The following MTREX variants were observed in gnomAD, a reference collection of about 807,000 sequenced individuals.
The protein encoded by MTREX is Mtr4 exosome RNA helicase.
Under a neutral mutation model 135.4 loss-of-function variants are expected in MTREX, and 76 were observed. The observed-to-expected ratio is 0.56, with a 90% CI of 0.47 to 0.68. The LOEUF is 0.68. MTREX is among the 30% of genes least tolerant of loss of function. The pLI is 0.00. For missense variants in MTREX, 920 were observed against 1,262.1 expected (o/e 0.73, Z 4.11); for synonymous variants, 404 against 401.6 (o/e 1.01, Z -0.07).
chr5:55,351,546 C>T (rs1466979000), intron 13 of MTREX, among the ~76,000 whole-genome samples: 1 of 151,980 alleles, frequency 6.6e-6, no homozygotes, highest in African/African-American at 2.4e-5. Flanking sequence ...AGAACAAAAC[C>T]AAAGAATGTA....
intron 1 of MTREX, among the ~76,000 whole-genome samples, chr5:55,311,892 C>A (rs1293667383): frequency 6.6e-6 from 1 of 152,126 alleles, no homozygotes; most frequent in Non-Finnish European, 1.5e-5. Flanking sequence ...TTTTAAATTA[C>A]ATATGCAGCT....
intron 18 of MTREX, among the ~76,000 whole-genome samples, chr5:55,383,892 C>T (rs1750437071): frequency 6.6e-6 from 1 of 152,154 alleles, no homozygotes; most frequent in Non-Finnish European, 1.5e-5. Context: ...ACCTCAGCCT[C>T]CTGAGTAGCT....
chr5:55,353,594 T>G (rs1313715989), intron 14 of MTREX, among the ~76,000 whole-genome samples: 2 of 152,134 alleles, frequency 1.3e-5, no homozygotes, highest in East Asian at 3.9e-4. Context: ...TCGCAGCTAC[T>G]TGAGAGGCTG....
chr5:55,425,343 C>CAA lies in MTREX; in HGVS notation c.*574_*575dup. 6.3e-7 allele frequency: 1 copy of CAA among 1,584,244 alleles called. No homozygotes were observed. On this transcript the variant is annotated 3_prime_UTR_variant, in exon 27 of 27. Transcript: ENST00000230640. The stretch of plus-strand genomic sequence containing the variant: ...TCCGATACATATACAGCCTACAGTG[C>CAA]AAAATATTTAATGGTATAATTTAGA...
rs574869896 is a variant in MTREX, at chr5:55,410,520, G to T, written c.2646-4G>T. 8.8e-6 allele frequency: 14 copies of T among 1,588,576 alleles called. No individual in the cohort carries two copies. The highest frequency in any genetic ancestry group is 6.8e-5 in the Admixed American group (4 of 58,694). On this transcript the variant is annotated splice_region_variant and splice_polypyrimidine_tract_variant and intron_variant, in intron 22 of 26. Transcript: ENST00000230640. The stretch of plus-strand genomic sequence containing the variant: ...CATTTTATTCTTTTGTTTTGCCATT[G>T]TAGTGCTGATGAGCTCCTTCTAACT...
At chr5:55,313,076 A>T (rs1749140604) in intron 1 of MTREX, among the ~76,000 whole-genome samples, 1 of 152,164 alleles carries the variant, frequency 6.6e-6, no homozygotes, top group Non-Finnish European at 1.5e-5. Context: ...AGTACAATTA[A>T]CATCACAGGG....
intron 20 of MTREX, among the ~76,000 whole-genome samples, chr5:55,399,874 T>G (rs1750697747): frequency 6.6e-6 from 1 of 152,172 alleles, no homozygotes; most frequent in African/African-American, 2.4e-5. Context: ...GAAAACAGTT[T>G]AAACATAGAT....
chr5:55,367,459 G>T (rs954019087), intron 16 of MTREX, among the ~76,000 whole-genome samples: 1 of 149,588 alleles, frequency 6.7e-6, no homozygotes, highest in Non-Finnish European at 1.5e-5. Flanking sequence ...GCACTCCAGC[G>T]TGGTGACAAA....
At chr5:55,414,450 C>T (rs1020841668) in intron 24 of MTREX, among the ~76,000 whole-genome samples, 3 of 151,834 alleles carry the variant, frequency 2.0e-5, no homozygotes, top group African/African-American at 7.3e-5. Context: ...GTATTTCTTC[C>T]CATTATTGTA....
chr5:55,377,183 T>C (rs1750317307), intron 16 of MTREX, among the ~76,000 whole-genome samples: 1 of 151,934 alleles, frequency 6.6e-6, no homozygotes, highest in Non-Finnish European at 1.5e-5. Flanking sequence ...AAAAATTAGC[T>C]GGGCATGGTA....
chr5:55,411,443 T>A (rs1305587696), intron 23 of MTREX, among the ~76,000 whole-genome samples: 1 of 152,192 alleles, frequency 6.6e-6, no homozygotes, highest in Non-Finnish European at 1.5e-5. Context: ...TTGTTTAGTT[T>A]TTTTTTAAGT....
chr5:55,308,122 C>A lies in MTREX; in HGVS notation c.109C>A (p.Pro37Thr). 1 of 1,610,860 alleles carries A rather than the reference C, an allele frequency of 6.2e-7. No individual in the cohort carries two copies. Among genetic ancestry groups the A allele is most frequent in the Non-Finnish European group, 8.5e-7 (1 of 1,178,342 alleles). ...KEKDKGKWKG[P>T]PGSADKAGKR... ...AAAGGACAAGGGGAAATGGAAGGGG[C>A]CTCCAGGGTCTGCAGACAAGGCAGG... Residue 37 changes from proline to threonine, a missense_variant, in exon 1 of 27, where the codon CCT (proline) becomes ACT (threonine). This residue lies in a region of MTREX where 136 missense variants were observed against 126.7 expected (regional missense o/e 1.07). Coordinates refer to ENST00000230640, the MANE Select transcript of MTREX (RefSeq NM_015360.5).
chr5:55,332,195 A>G (rs1561188828), intron 5 of MTREX, among the ~76,000 whole-genome samples: 1 of 152,148 alleles, frequency 6.6e-6, no homozygotes, highest in Non-Finnish European at 1.5e-5. Context: ...GATGAATACT[A>G]ATGTTTGATG....
chr5:55,381,010 A>G (rs969877574), intron 18 of MTREX, among the ~76,000 whole-genome samples: 14 of 152,156 alleles, frequency 9.2e-5, no homozygotes, highest in South Asian at 2.1e-4. Flanking sequence ...TACTAAGTCA[A>G]TTTCTACTTG....
Position 55,425,199 on chromosome 5 carries a change from C to T in MTREX, c.*427C>T. The T allele has an allele frequency of 6.2e-7, 1 of 1,611,850 alleles. No homozygotes were observed. Among genetic ancestry groups the T allele is most frequent in the Non-Finnish European group, 8.5e-7 (1 of 1,179,434 alleles). ...AGGCCAGCTTCACCTGGGCACCCTG[C>T]TGCCTTTCAAGGCTGGTGATTGCTC... is the stretch of plus-strand genomic sequence containing the variant. On this transcript the variant is annotated 3_prime_UTR_variant, in exon 27 of 27. Coordinates refer to ENST00000230640, the MANE Select transcript of MTREX (RefSeq NM_015360.5).
chr5:55,375,537 A>G (rs1252701881), intron 16 of MTREX, among the ~76,000 whole-genome samples: 2 of 152,158 alleles, frequency 1.3e-5, no homozygotes, highest in Non-Finnish European at 2.9e-5. Flanking sequence ...TCCCTGAACA[A>G]TTGCTCTTAT....
intron 3 of MTREX, among the ~76,000 whole-genome samples, chr5:55,327,221 G>A (rs1256846318): frequency 6.6e-6 from 1 of 152,194 alleles, no homozygotes; most frequent in African/African-American, 2.4e-5. Flanking sequence ...CCAGTAATGG[G>A]ATCCTGGGTC....
intron 23 of MTREX, among the ~76,000 whole-genome samples, 165 bp downstream of exon 23, chr5:55,410,794 TTAAA>T (rs1196256172): frequency 1.1e-4 from 16 of 152,326 alleles, no homozygotes; most frequent in African/African-American, 3.8e-4. Flanking sequence ...AATTAAATGA[TTAAA>T]TACGTATTAT....
intron 11 of MTREX, among the ~76,000 whole-genome samples, chr5:55,348,768 G>C (rs1309315657): frequency 1.3e-5 from 2 of 151,940 alleles, no homozygotes; most frequent in East Asian, 3.9e-4. Flanking sequence ...AAAGTTGCAG[G>C]GTTGCATACT....
Sources: allele counts gnomAD v4.1 joint callset (sites outside exome capture counted in the v4.1 genomes callset), GRCh38; gene constraint gnomAD v4.1.1; regional missense constraint gnomAD v4.1.1; transcripts MANE v1.5; gene names NCBI Gene and HGNC (gene_info 2026-07-23, HGNC 2026-07-21).